ABCA12: variants seen among roughly 807,000 people sequenced by gnomAD.
ABCA12 encodes ATP binding cassette subfamily A member 12, also known as glucosylceramide transporter ABCA12.
Under a neutral mutation model 293.5 loss-of-function variants are expected in ABCA12, and 156 were observed. The observed-to-expected ratio is 0.53, with a 90% confidence interval of 0.47 to 0.61. The LOEUF is 0.61. ABCA12 is among the 20% of genes least tolerant of loss of function. The pLI is 0.00. For missense variants in ABCA12, 2,797 were observed against 3,090.2 expected (o/e 0.91, Z 2.25); for synonymous variants, 1,063 against 1,108.0 (o/e 0.96, Z 0.81).
At chr2:215,083,691 A>T (rs539544103) in intron 2 of ABCA12, among the ~76,000 whole-genome samples, 2 of 152,262 alleles carry the variant, frequency 1.3e-5, no homozygotes, top group East Asian at 3.9e-4. Flanking sequence ...TCTTGGGGAC[A>T]ATGAGGTTGA....
chr2:215,046,301 A>G (rs961193219), intron 6 of ABCA12, among the ~76,000 whole-genome samples: 48 of 151,436 alleles, frequency 3.2e-4, no homozygotes, highest in African/African-American at 1.0e-3. Context: ...GGAAATTAAA[A>G]TTAAGTTCCT....
At chr2:215,081,957 C>T (rs1701950786) in intron 2 of ABCA12, among the ~76,000 whole-genome samples, 2 of 151,862 alleles carry the variant, frequency 1.3e-5, no homozygotes, top group Non-Finnish European at 2.9e-5. Context: ...TAGTGTTACA[C>T]ACACTGTATT....
intron 1 of ABCA12, among the ~76,000 whole-genome samples, chr2:215,137,260 A>G (rs961824884): frequency 6.6e-6 from 1 of 152,196 alleles, no homozygotes; most frequent in African/African-American, 2.4e-5. Flanking sequence ...TAAGGTGCAT[A>G]GATAAAGTGC....
chr2:215,034,227 G>A (rs1327847953), intron 8 of ABCA12, among the ~76,000 whole-genome samples: 2 of 152,164 alleles, frequency 1.3e-5, no homozygotes, highest in Non-Finnish European at 2.9e-5. Context: ...CCTAGCTGGA[G>A]CCGAGCTGAG....
intron 1 of ABCA12, among the ~76,000 whole-genome samples, chr2:215,114,704 T>G (rs879458006): frequency 2.0e-5 from 3 of 152,254 alleles, no homozygotes; most frequent in Non-Finnish European, 4.4e-5. Flanking sequence ...AATTGGAGCT[T>G]GTTCTTTAAA....
intron 7 of ABCA12, among the ~76,000 whole-genome samples, chr2:215,040,887 G>A (rs888628959): frequency 1.9e-4 from 29 of 152,032 alleles, no homozygotes; most frequent in Admixed American, 2.6e-4. Flanking sequence ...ACAAAAAAAA[G>A]GGGGGGTGTG....
chr2:215,036,008 G>C (rs1381070523), intron 8 of ABCA12, among the ~76,000 whole-genome samples: 1 of 152,150 alleles, frequency 6.6e-6, no homozygotes, highest in Non-Finnish European at 1.5e-5. Context: ...ATGTTTGTTA[G>C]CACATTGTCT....
At chr2:214,953,447 T>A (rs1698842304) in intron 44 of ABCA12, among the ~76,000 whole-genome samples, 1 of 152,216 alleles carries the variant, frequency 6.6e-6, no homozygotes, top group African/African-American at 2.4e-5. Context: ...TTTTTCTTAA[T>A]CTTCTTTTCC....
At chr2:214,947,009 C>T (rs1170408521) in intron 48 of ABCA12, among the ~76,000 whole-genome samples, 2 of 152,012 alleles carry the variant, frequency 1.3e-5, no homozygotes, top group Non-Finnish European at 2.9e-5. Flanking sequence ...TGTGTCTGTC[C>T]TCCATAGTAG....
intron 36 of ABCA12, among the ~76,000 whole-genome samples, chr2:214,973,555 T>G (rs903306999): frequency 7.2e-5 from 11 of 152,158 alleles, no homozygotes; most frequent in Non-Finnish European, 1.2e-4. Context: ...TGGAGTTCTG[T>G]TCTAGACTTA....
intron 39 of ABCA12, among the ~76,000 whole-genome samples, chr2:214,966,310 C>A (rs529848424): frequency 6.6e-6 from 1 of 151,994 alleles, no homozygotes; most frequent in Non-Finnish European, 1.5e-5. Flanking sequence ...CTAGGTGATG[C>A]GTTGATATGT....
Position 215,025,700 on chromosome 2 carries a change from A to G in ABCA12, c.1260T>C (p.Pro420=), listed in dbSNP as rs1700728976. 6.2e-7 allele frequency: 1 copy of G among 1,609,048 alleles called. No individual in the cohort carries two copies. The highest frequency in any genetic ancestry group is 8.5e-7 in the Non-Finnish European group (1 of 1,178,528). The change falls in exon 11 of 53, where the codon CCT becomes CCC. Residue 420 remains proline, a synonymous_variant. Transcript: ENST00000272895. The part of the protein sequence containing the change: ...LRNGSYEDYF[P]PVPEVLKSKL... ...TTGATTTTAGGACTTCAGGAACTGG[A>G]GGAAAGTAATCTTCATAGGAACCAT... is the stretch of plus-strand genomic sequence containing the variant.
intron 50 of ABCA12, among the ~76,000 whole-genome samples, chr2:214,942,003 C>T (rs1400263148): frequency 5.9e-5 from 9 of 152,152 alleles, no homozygotes; most frequent in South Asian, 2.1e-4. Flanking sequence ...GTCATTATGA[C>T]GCTAGCTGGT....
At chr2:214,970,886 TAG>T (rs1296022066) in intron 36 of ABCA12, among the ~76,000 whole-genome samples, 2 of 152,050 alleles carry the variant, frequency 1.3e-5, no homozygotes, top group Non-Finnish European at 2.9e-5. Flanking sequence ...ATATGTATAT[TAG>T]TTAATATTAT....
chr2:214,955,728 A>G (rs1030814881), intron 42 of ABCA12, among the ~76,000 whole-genome samples: 3 of 152,192 alleles, frequency 2.0e-5, no homozygotes. Context: ...CTTCCAAAGT[A>G]AAAATAACCA....
chr2:215,100,791 G>A (rs1009547967), intron 2 of ABCA12, among the ~76,000 whole-genome samples: 2 of 151,970 alleles, frequency 1.3e-5, no homozygotes, highest in Non-Finnish European at 2.9e-5. Flanking sequence ...TCCACATAGG[G>A]CAGCAATTTC....
In ABCA12 at chr2:214,945,166, A is replaced by G. The variant is rs1698543252; in HGVS notation, c.7240-62T>C. 5 of 1,325,860 alleles carry G rather than the reference A, an allele frequency of 3.8e-6. No homozygotes were observed. In the South Asian group the frequency reaches 5.0e-5, roughly 13 times the overall value. The allele number at this position is 1,325,860 out of a possible 1,614,324, so 82.1% of individuals were successfully genotyped here. On this transcript the variant is annotated intron_variant, in intron 48 of 52. Coordinates refer to ENST00000272895, the MANE Select transcript of ABCA12 (RefSeq NM_173076.3). Reference sequence around the variant, plus strand: ...ATTAATTTTTGATGAAGTTCTTTTCATGAATTACTGCATTTCACTTCCCTA... The same window carrying G: ...ATTAATTTTTGATGAAGTTCTTTTCGTGAATTACTGCATTTCACTTCCCTA...
chr2:215,009,294 GA>G (rs1172422526), intron 18 of ABCA12, among the ~76,000 whole-genome samples: 32 of 152,166 alleles, frequency 2.1e-4, no homozygotes, highest in African/African-American at 7.2e-4. Flanking sequence ...TGGACATAGA[GA>G]GGGGAACAGA....
At chr2:215,133,995 C>A (rs1237751715) in intron 1 of ABCA12, among the ~76,000 whole-genome samples, 1 of 151,788 alleles carries the variant, frequency 6.6e-6, no homozygotes, top group Non-Finnish European at 1.5e-5. Context: ...TTCTAGGACC[C>A]TGTAAAATTA....
Sources: gnomAD v4.1 joint callset for allele counts (sites outside exome capture counted in the v4.1 genomes callset) on GRCh38, gnomAD v4.1.1 for gene constraint, MANE v1.5 for transcripts, NCBI Gene and HGNC (gene_info 2026-07-23, HGNC 2026-07-21) for gene names.